Variants in GABRG3 observed in about 807,000 individuals in gnomAD.
The protein encoded by GABRG3 is gamma-aminobutyric acid type A receptor subunit gamma3.
In GABRG3, 25 loss-of-function variants were observed where a neutral mutation model predicts 48.8. That is an observed-to-expected ratio of 0.51 (90% CI 0.37 to 0.72). The LOEUF is 0.72. Ranked by LOEUF, GABRG3 falls within the 30% of genes least tolerant of loss-of-function variation. GABRG3 has a pLI of 0.00. For synonymous variants in GABRG3, 227 were observed against 217.6 expected (o/e 1.04, Z -0.38); for missense variants, 394 against 577.9 (o/e 0.68, Z 3.26).
In GABRG3 at chr15:27,330,737, G is replaced by C. The variant is rs191802750; in HGVS notation, c.574+1849G>C. On this transcript the variant is annotated intron_variant, in intron 5 of 9. Transcript: ENST00000615808. Reference sequence around the variant, plus strand: ...AGTACTCAGGGAAATACATGAAAGTGAATGCCTTTCTGGAATTAGTTGGCA... The same window carrying C: ...AGTACTCAGGGAAATACATGAAAGTCAATGCCTTTCTGGAATTAGTTGGCA... 4.6e-5 allele frequency among the ~76,000 whole-genome samples: 7 copies of C among 152,348 alleles called. No individual in the cohort carries two copies. The East Asian group carries it at 1.3e-3, about 29-fold the overall frequency.
chr15:27,076,481 G>A (rs1001525569), intron 3 of GABRG3, among the ~76,000 whole-genome samples: 19 of 151,848 alleles, frequency 1.3e-4, no homozygotes, highest in East Asian at 3.9e-4. Flanking sequence ...GCAGCACCAC[G>A]CCCATCTAAT....
intron 2 of GABRG3, among the ~76,000 whole-genome samples, chr15:27,004,119 C>G (rs1259547623): frequency 1.4e-5 from 2 of 144,538 alleles, no homozygotes; most frequent in Admixed American, 1.4e-4. Context: ...GCTGGCCGGG[C>G]GGGGGGCTGA....
chr15:27,533,997 C>T lies in GABRG3; in HGVS notation c.*1116C>T, dbSNP rs146696075. The T allele has an allele frequency of 3.3e-5, 5 of 151,756 alleles. No individual in the cohort carries two copies. The highest frequency in any genetic ancestry group is 1.3e-4 in the Admixed American group (2 of 15,220). 9.4% of individuals were successfully genotyped at this position (151,756 alleles called of 1,614,324 possible). ...GGACTACAGGTGTGCGCTACCACACCCGGCTAATTTTTGTATTTTTGTTTT... is the reference window on the plus strand; with the variant it reads ...GGACTACAGGTGTGCGCTACCACACTCGGCTAATTTTTGTATTTTTGTTTT... On this transcript the variant is annotated 3_prime_UTR_variant, in exon 10 of 10. Coordinates refer to ENST00000615808, the MANE Select transcript of GABRG3 (RefSeq NM_033223.5).
At position 27,426,335 on chromosome 15, in the gene GABRG3, T is replaced by C. The variant is rs541135759; in HGVS notation, c.575-54315T>C. The stretch of plus-strand genomic sequence containing the variant: ...CTGGGTTTGCCCACACAAAAGGGCA[T>C]GAAGGAAAAAAAGAGTTAGTTATTT... On this transcript the variant is annotated intron_variant, in intron 5 of 9. Transcript: ENST00000615808. Among the ~76,000 whole-genome samples, 35 of 152,180 alleles carry C rather than the reference T, an allele frequency of 2.3e-4. 1 individual carries two copies. The East Asian group carries it at 5.4e-3, about 24-fold the overall frequency.
At chr15:27,313,264 A>ATATATATATATATATATATATG (rs1893079073) in intron 3 of GABRG3, among the ~76,000 whole-genome samples, 4 of 11,156 alleles carry the variant, frequency 3.6e-4, no homozygotes, top group South Asian at 5.9e-3. Context: ...GTGTGTGTGT[A>ATATATATATATATATATATATG]TATATATATA....
At chr15:27,345,276 T>G (rs1894328014) in intron 5 of GABRG3, among the ~76,000 whole-genome samples, 1 of 152,338 alleles carries the variant, frequency 6.6e-6, no homozygotes, top group South Asian at 2.1e-4. Context: ...TCCTCTCCAT[T>G]TTTTAACCTT....
chr15:27,334,569 T>C (rs1476356115), intron 5 of GABRG3, among the ~76,000 whole-genome samples: 1 of 152,210 alleles, frequency 6.6e-6, no homozygotes, highest in African/African-American at 2.4e-5. Context: ...CACTAATGCA[T>C]GGCACTGCTG....
chr15:27,323,497 T>G (rs1893500993), intron 3 of GABRG3, among the ~76,000 whole-genome samples: 1 of 152,200 alleles, frequency 6.6e-6, no homozygotes, highest in Admixed American at 6.5e-5. Context: ...CATATGTGCC[T>G]CCCTGACCAT....
intron 7 of GABRG3, among the ~76,000 whole-genome samples, chr15:27,524,395 A>G (rs544652344): frequency 6.2e-4 from 95 of 152,236 alleles, no homozygotes; most frequent in Non-Finnish European, 1.2e-3. Context: ...TGAAATAGAA[A>G]ATGATGAGAA....
chr15:27,392,583 T>C (rs1394891980), intron 5 of GABRG3, among the ~76,000 whole-genome samples: 1 of 152,206 alleles, frequency 6.6e-6, no homozygotes, highest in African/African-American at 2.4e-5. Flanking sequence ...TGTAAAGTTA[T>C]TCCCTTCATC....
chr15:27,036,047 C>G (rs1232034408), intron 3 of GABRG3, among the ~76,000 whole-genome samples: 1 of 152,176 alleles, frequency 6.6e-6, no homozygotes, highest in African/African-American at 2.4e-5. Context: ...GTGCAAGATG[C>G]TGAAGCAGGT....
intron 6 of GABRG3, among the ~76,000 whole-genome samples, chr15:27,512,133 A>G (rs1408547539): frequency 6.6e-6 from 1 of 152,204 alleles, no homozygotes; most frequent in African/African-American, 2.4e-5. Context: ...TTTGACCCCT[A>G]TTTTAAAAGG....
chr15:27,041,147 A>G (rs1300361076), intron 3 of GABRG3, among the ~76,000 whole-genome samples: 1 of 152,208 alleles, frequency 6.6e-6, no homozygotes, highest in Non-Finnish European at 1.5e-5. Flanking sequence ...TAAAACTCCT[A>G]TAATTTTTGC....
intron 5 of GABRG3, among the ~76,000 whole-genome samples, chr15:27,470,351 G>C (rs895681110): frequency 6.6e-6 from 1 of 151,026 alleles, no homozygotes. Flanking sequence ...AGCCTCCCAA[G>C]TAACTGAGAT....
intron 6 of GABRG3, among the ~76,000 whole-genome samples, chr15:27,500,266 CAGAGGCAGCAGGCACTGT>C (rs1416395842): frequency 6.6e-6 from 1 of 152,150 alleles, no homozygotes; most frequent in African/African-American, 2.4e-5. Context: ...CCTGGTAGGA[CAGAGGCAGCAGGCACTGT>C]TGCTAGAGGC....
chr15:27,105,919 A>G (rs962153027), intron 3 of GABRG3, among the ~76,000 whole-genome samples: 1 of 152,138 alleles, frequency 6.6e-6, no homozygotes, highest in African/African-American at 2.4e-5. Context: ...TGTGGTGTGT[A>G]TATACAATGC....
intron 5 of GABRG3, among the ~76,000 whole-genome samples, chr15:27,386,464 C>A (rs968838067): frequency 3.3e-5 from 5 of 152,070 alleles, no homozygotes; most frequent in Non-Finnish European, 7.3e-5. Flanking sequence ...GATATCACAG[C>A]AATGTTAGCC....
intron 3 of GABRG3, among the ~76,000 whole-genome samples, chr15:27,113,658 A>T (rs564694794): frequency 6.6e-6 from 1 of 151,434 alleles, no homozygotes; most frequent in Non-Finnish European, 1.5e-5. Context: ...CAAGGACCCC[A>T]GCTTCCTGCT....
chr15:27,377,138 G>A (rs1895623171), intron 5 of GABRG3, among the ~76,000 whole-genome samples: 1 of 152,156 alleles, frequency 6.6e-6, no homozygotes. Context: ...AGTTATGTTT[G>A]CTCCAATTCC....
Sources: gnomAD v4.1 joint callset for allele counts (sites outside exome capture counted in the v4.1 genomes callset) on GRCh38, gnomAD v4.1.1 for gene constraint, MANE v1.5 for transcripts, NCBI Gene and HGNC (gene_info 2026-07-23, HGNC 2026-07-21) for gene names.